The following CSPP1 variants were observed in gnomAD, a reference collection of about 807,000 sequenced individuals.
CSPP1 encodes centrosome and spindle pole-associated protein 1.
CSPP1 carries 126 observed loss-of-function variants against 164.4 expected under a neutral mutation model. That is an observed-to-expected ratio of 0.77 (90% CI 0.66 to 0.89). The LOEUF is 0.89. Among genes scored for constraint, CSPP1 ranks in the 40% least tolerant of loss-of-function variants. CSPP1 has a pLI of 0.00. For missense variants in CSPP1, 1,395 were observed against 1,449.8 expected, an observed-to-expected ratio of 0.96 and a Z score of 0.61; for synonymous variants, 472 against 476.7, an observed-to-expected ratio of 0.99 and a Z score of 0.13.
At chr8:67,121,372 G>A (rs1818938642) in intron 15 of CSPP1, among the ~76,000 whole-genome samples, 1 of 152,072 alleles carries the variant, frequency 6.6e-6, no homozygotes, top group South Asian at 2.1e-4. Flanking sequence ...AGTTTGTTGA[G>A]TTTTAACGAT....
rs1563817451 is a variant in CSPP1, at chr8:67,195,571, G to T, written c.3659G>T (p.Gly1220Val). The change falls in exon 31 of 31, where the codon GGC becomes GTC. Residue 1220 changes from glycine to valine, a missense_variant. Physicochemically the swap from Gly to Val is moderately radical, Grantham distance 109. Transcript: ENST00000678616. ...PGKPGTFTWQGLSTAHG is the reference protein window; with the variant it reads ...PGKPGTFTWQVLSTAHG ...AAACCAGGCACTTTCACTTGGCAGG[G>T]CCTGTCGACTGCACATGGTTAAAAT... is the stretch of plus-strand genomic sequence containing the variant. 2 of 1,614,144 alleles carry T rather than the reference G, an allele frequency of 1.2e-6. No individual in the cohort carries two copies. The highest frequency in any genetic ancestry group is 1.1e-5 in the South Asian group (1 of 91,076).
In CSPP1 at chr8:67,112,001, A is replaced by C. The variant is rs1215710015; in HGVS notation, c.1123A>C (p.Arg375=). ...GGEDRELIQR[R]KEKYRLELLE... ...TGAAGATCGAGAACTTATTCAGAGA[A>C]GGAAAGAGAAATACAGACTAGAACT... The change falls in exon 10 of 31, where the codon AGG becomes CGG. Residue 375 remains arginine (R), a synonymous_variant. Coordinates refer to ENST00000678616, the MANE Select transcript of CSPP1 (RefSeq NM_001382391.1). 1.9e-6 allele frequency: 3 copies of C among 1,611,524 alleles called. No homozygotes were observed. The African/African-American group carries it at 4.0e-5, about 22-fold the overall frequency.
intron 9 of CSPP1, among the ~76,000 whole-genome samples, chr8:67,108,142 G>A (rs1245219732): frequency 6.6e-6 from 1 of 151,968 alleles, no homozygotes; most frequent in Non-Finnish European, 1.5e-5. Context: ...TGTAATCCCA[G>A]CATCTTAGGA....
rs1258735879 is a variant in CSPP1 at position 67,101,119 on chromosome 8, A to C, written c.924-1918A>C. Among the ~76,000 whole-genome samples the C allele has an allele frequency of 6.6e-5, 10 of 152,292 alleles. No individual in the cohort carries two copies. In the East Asian group the frequency reaches 1.9e-3, roughly 29 times the overall value. On this transcript the variant is annotated intron_variant, in intron 7 of 30. Transcript: ENST00000678616. Reference sequence around the variant, plus strand: ...AGATGCTTAATTCCTCCAGCATTGAATTGTAACAATATAAGGAAATGTCTG... The same window carrying C: ...AGATGCTTAATTCCTCCAGCATTGACTTGTAACAATATAAGGAAATGTCTG...
intron 27 of CSPP1, 134 bp downstream of exon 27, chr8:67,177,860 TG>T (rs2129569753): frequency 1.4e-6 from 1 of 723,802 alleles, no homozygotes; most frequent in East Asian, 2.5e-5. Context: ...ATCAGTAAAG[TG>T]GATAGCTTGA....
intron 15 of CSPP1, among the ~76,000 whole-genome samples, chr8:67,125,144 G>A (rs897478367): frequency 4.6e-5 from 7 of 152,140 alleles, no homozygotes; most frequent in Non-Finnish European, 2.9e-5. Flanking sequence ...ACTCCCTTCA[G>A]TGTTTCTTAC....
intron 17 of CSPP1, among the ~76,000 whole-genome samples, chr8:67,139,222 A>G (rs1451959344): frequency 6.6e-6 from 1 of 152,230 alleles, no homozygotes; most frequent in Non-Finnish European, 1.5e-5. Context: ...CATTTATGCA[A>G]CCAACAGACA....
intron 6 of CSPP1, 124 bp from the exon 7 acceptor site, chr8:67,095,169 T>C (rs902326953): frequency 7.5e-6 from 4 of 536,122 alleles, no homozygotes; most frequent in African/African-American, 3.8e-5. Context: ...TATATAAATA[T>C]ATGGGTGATT....
intron 15 of CSPP1, among the ~76,000 whole-genome samples, chr8:67,121,092 A>G (rs1818879143): frequency 6.6e-6 from 1 of 152,066 alleles, no homozygotes; most frequent in South Asian, 2.1e-4. Context: ...TGACCTTGTG[A>G]TCTGCCTGCC....
chr8:67,194,660 T>C (rs972028511), intron 30 of CSPP1, among the ~76,000 whole-genome samples: 6 of 150,602 alleles, frequency 4.0e-5, no homozygotes, highest in Admixed American at 4.0e-4. Context: ...TGACTGCACA[T>C]ACCAATCCTT....
intron 16 of CSPP1, chr8:67,135,524 C>A (rs1586405726): frequency 6.6e-6 from 1 of 152,206 alleles, no homozygotes; most frequent in Non-Finnish European, 1.5e-5. Flanking sequence ...TGCTAACTTG[C>A]AAGTTTTCTT....
At chr8:67,080,493 C>T (rs1808919529) in intron 3 of CSPP1, among the ~76,000 whole-genome samples, 1 of 152,204 alleles carries the variant, frequency 6.6e-6, no homozygotes, top group South Asian at 2.1e-4. Flanking sequence ...ACAGTGACTT[C>T]TGACACCAGC....
chr8:67,185,303 G>C (rs879908006), intron 28 of CSPP1, among the ~76,000 whole-genome samples: 3 of 152,110 alleles, frequency 2.0e-5, no homozygotes, highest in Non-Finnish European at 4.4e-5. Context: ...CTATCTTTTC[G>C]GTTGTGAACT....
chr8:67,164,482 G>A lies in CSPP1; in HGVS notation c.2802G>A (p.Met934Ile), dbSNP rs1178218440. 2.5e-6 allele frequency: 4 copies of A among 1,576,566 alleles called. No homozygotes were observed. The East Asian group carries it at 8.9e-5, about 35-fold the overall frequency. Residue 934 changes from methionine to isoleucine, a missense_variant, in exon 24 of 31, where the codon ATG becomes ATA. Met to Ile is a conservative substitution (Grantham distance 10). Transcript: ENST00000678616. ...GTCTACAAGAGCGATTGCTACACAT[G>A]GACAGTGATGATGAAATTCCTATCA... Reference protein sequence around the residue: ...ERRLQERLLHMDSDDEIPIRK... With the variant: ...ERRLQERLLHIDSDDEIPIRK...
intron 3 of CSPP1, among the ~76,000 whole-genome samples, chr8:67,077,025 G>T (rs1407970912): frequency 1.3e-5 from 2 of 152,122 alleles, no homozygotes; most frequent in African/African-American, 4.8e-5. Context: ...AGTTAATACT[G>T]TAGCCATACT....
intron 17 of CSPP1, among the ~76,000 whole-genome samples, chr8:67,139,556 C>T (rs1823059448): frequency 6.6e-6 from 1 of 152,152 alleles, no homozygotes; most frequent in African/African-American, 2.4e-5. Flanking sequence ...ATGTTTATTG[C>T]AGCACTGTTC....
intron 23 of CSPP1, among the ~76,000 whole-genome samples, chr8:67,164,014 A>T (rs1828853365): frequency 6.6e-6 from 1 of 152,138 alleles, no homozygotes; most frequent in African/African-American, 2.4e-5. Flanking sequence ...ATCAGATTTT[A>T]CCAGTTTTTA....
intron 19 of CSPP1, among the ~76,000 whole-genome samples, chr8:67,156,294 T>C (rs952946856): frequency 6.6e-6 from 1 of 151,940 alleles, no homozygotes; most frequent in African/African-American, 2.4e-5. Context: ...GTGAGGCCAT[T>C]GCTTGAACCC....
At chr8:67,171,125 A>G (rs1586705164) in intron 24 of CSPP1, among the ~76,000 whole-genome samples, 1 of 134,068 alleles carries the variant, frequency 7.5e-6, no homozygotes, top group Admixed American at 7.3e-5. Context: ...GGCCGGGTGC[A>G]GTGGCTCATG....
Sources: allele counts gnomAD v4.1 joint callset (sites outside exome capture counted in the v4.1 genomes callset), GRCh38; gene constraint gnomAD v4.1.1; transcripts MANE v1.5; gene names NCBI Gene and HGNC (gene_info 2026-07-23, HGNC 2026-07-21).